Variants in CBL observed in about 807,000 individuals in gnomAD.
CBL encodes the protein E3 ubiquitin-protein ligase CBL.
In CBL, 45 loss-of-function variants were observed where a neutral mutation model predicts 96.9. The observed-to-expected ratio is 0.46, with a 90% CI of 0.37 to 0.60. The LOEUF (loss-of-function observed/expected upper bound fraction) is 0.60, where lower values mean the gene tolerates loss of function less well. Among genes scored for constraint, CBL ranks in the 20% least tolerant of loss-of-function variants. The pLI is 0.00. For synonymous variants in CBL, 420 were observed against 426.8 expected, an observed-to-expected ratio of 0.98 and a Z score of 0.20; for missense variants, 1,024 against 1,143.5, an observed-to-expected ratio of 0.90 and a Z score of 1.51.
At chr11:119,212,126 G>C (rs1366591167) in intron 1 of CBL, among the ~76,000 whole-genome samples, 27 of 146,322 alleles carry the variant, frequency 1.8e-4, no homozygotes, top group Middle Eastern at 4.2e-3. Context: ...TCCATGTTGG[G>C]CAGGCTGGTC....
intron 2 of CBL, among the ~76,000 whole-genome samples, chr11:119,239,837 T>C (rs1469419618): frequency 6.6e-6 from 1 of 152,110 alleles, no homozygotes; most frequent in Non-Finnish European, 1.5e-5. Context: ...ACCTTTTATG[T>C]TTCATTCGTG....
chr11:119,302,441 C>G lies in CBL; in HGVS notation c.*2660C>G. On this transcript the variant is annotated 3_prime_UTR_variant, in exon 16 of 16. Coordinates refer to ENST00000264033, the MANE Select transcript of CBL (RefSeq NM_005188.4). The stretch of plus-strand genomic sequence containing the variant: ...CAATTTAAAAGTCTTTGGCTTTGCT[C>G]TGAATTTAATTAAAACTGCCTTTTA... 4.3e-6 allele frequency: 1 copy of G among 233,052 alleles called. No individual in the cohort carries two copies. The highest frequency in any genetic ancestry group is 8.5e-6 in the Non-Finnish European group (1 of 117,890). 14.4% of individuals were successfully genotyped at this position (233,052 alleles called of 1,614,324 possible).
intron 2 of CBL, among the ~76,000 whole-genome samples, chr11:119,258,876 C>T (rs903090224): frequency 1.3e-5 from 2 of 152,160 alleles, no homozygotes; most frequent in African/African-American, 4.8e-5. Flanking sequence ...GCAGTATGGT[C>T]ATTTTCACGA....
At chr11:119,206,752 C>G (rs1592364842) in intron 1 of CBL, 140 bp downstream of exon 1, 3 of 87,860 alleles carry the variant, frequency 3.4e-5, no homozygotes, top group Non-Finnish European at 1.7e-5. Flanking sequence ...GGTGACCGGC[C>G]GGGGGCGTGG....
rs1265243724 is a variant in CBL at position 119,304,137 on chromosome 11, G to A, written c.*4356G>A. 1 of 233,222 alleles carries A rather than the reference G, an allele frequency of 4.3e-6. No homozygotes were observed. The highest frequency in any genetic ancestry group is 8.5e-6 in the Non-Finnish European group (1 of 118,024). 14.4% of individuals were successfully genotyped at this position (233,222 alleles called of 1,614,324 possible). A position where few individuals can be genotyped will look rare whatever the true frequency, so the allele number is the denominator to read the frequency against. On this transcript the variant is annotated 3_prime_UTR_variant, in exon 16 of 16. Transcript: ENST00000264033. ...CTCCCTCCCAGAGCAAGGAGTTTAGGGATTCTAAAGCTTAGTGTCCACACA... is the reference window on the plus strand; with the variant it reads ...CTCCCTCCCAGAGCAAGGAGTTTAGAGATTCTAAAGCTTAGTGTCCACACA...
rs1411543318 is a variant in CBL at position 119,273,924 on chromosome 11, G to A, written c.647G>A (p.Ser216Asn). 1.2e-6 allele frequency: 2 copies of A among 1,614,032 alleles called. No homozygotes were observed. The highest frequency in any genetic ancestry group is 1.7e-6 in the Non-Finnish European group (2 of 1,179,894). ...GCTCTACATGAAGTGCATCCCATCA[G>A]TTCTGGGCTGGAGGCCATGGCTCTG... ...RQALHEVHPI[S>N]SGLEAMALKS... The change falls in exon 4 of 16, where the codon AGT (serine) becomes AAT (asparagine). Residue 216 changes from serine (S) to asparagine (N), a missense_variant. This residue lies in a region of CBL where 192 missense variants were observed against 321.8 expected (regional missense o/e 0.60). Coordinates refer to ENST00000264033, the MANE Select transcript of CBL (RefSeq NM_005188.4).
At chr11:119,258,008 C>T (rs1949723647) in intron 2 of CBL, among the ~76,000 whole-genome samples, 1 of 152,102 alleles carries the variant, frequency 6.6e-6, no homozygotes, top group Non-Finnish European at 1.5e-5. Flanking sequence ...AGGCGGGTCA[C>T]TTGAGGTCAG....
intron 9 of CBL, among the ~76,000 whole-genome samples, chr11:119,280,650 C>A (rs555865613): frequency 6.6e-6 from 1 of 152,110 alleles, no homozygotes; most frequent in African/African-American, 2.4e-5. Context: ...AACATTGGTT[C>A]CCTGCCTCTG....
At chr11:119,232,741 C>T (rs767957750) in intron 2 of CBL, 46 bp downstream of exon 2, 25 of 1,581,584 alleles carry the variant, frequency 1.6e-5, no homozygotes, top group Non-Finnish European at 2.1e-5. Flanking sequence ...TCTGTGACTG[C>T]CTGAATGGGT....
At chr11:119,207,676 A>G (rs527387865) in intron 1 of CBL, among the ~76,000 whole-genome samples, 14 of 152,312 alleles carry the variant, frequency 9.2e-5, no homozygotes, top group African/African-American at 2.9e-4. Flanking sequence ...TCAGAATTCA[A>G]TACGTTTTCT....
chr11:119,290,382 C>T (rs1237712434), intron 12 of CBL, among the ~76,000 whole-genome samples: 1 of 151,016 alleles, frequency 6.6e-6, no homozygotes, highest in African/African-American at 2.4e-5. Context: ...TGGCTGGGCG[C>T]AGTGGCTCAC....
At chr11:119,223,287 C>T (rs1438468852) in intron 1 of CBL, among the ~76,000 whole-genome samples, 2 of 144,982 alleles carry the variant, frequency 1.4e-5, no homozygotes, top group African/African-American at 5.1e-5. Context: ...CCGTCTCAGC[C>T]TTTCAAAGTG....
intron 9 of CBL, among the ~76,000 whole-genome samples, chr11:119,279,172 CTT>C (rs757371706): frequency 7.6e-5 from 11 of 144,950 alleles, no homozygotes; most frequent in African/African-American, 7.5e-5. Flanking sequence ...GTTCTGTTCC[CTT>C]TTTTTTTTTT....
In CBL at chr11:119,298,381, C is replaced by T; in HGVS notation, c.2275C>T (p.His759Tyr). 4 of 1,614,168 alleles carry T rather than the reference C, an allele frequency of 2.5e-6. No homozygotes were observed. The highest frequency in any genetic ancestry group is 3.4e-6 in the Non-Finnish European group (4 of 1,180,014). Residue 759 changes from histidine to tyrosine, a missense_variant, in exon 15 of 16, where the codon CAT (histidine) becomes TAT (tyrosine). Physicochemically the swap from His to Tyr is moderately conservative, Grantham distance 83. Coordinates refer to ENST00000264033, the MANE Select transcript of CBL (RefSeq NM_005188.4). ...AGGTGAAGGGAATTTGGCCGCAGCC[C>T]ATGCCAACACTGGTCCCGAGGAGTC... ...TFGEGNLAAA[H>Y]ANTGPEESEN...
In CBL at chr11:119,303,732, T is replaced by C. The variant is rs1369023642; in HGVS notation, c.*3951T>C. On this transcript the variant is annotated 3_prime_UTR_variant, in exon 16 of 16. Transcript: ENST00000264033. ...TGTTCCAACATAATTAGAATCTGTT[T>C]GGTGAGTTGAAAGGTAAGTTGGCTC... 4.3e-6 allele frequency: 1 copy of C among 233,602 alleles called. No homozygotes were observed. Among genetic ancestry groups the C allele is most frequent in the Non-Finnish European group, 8.5e-6 (1 of 118,064 alleles). 14.5% of individuals were successfully genotyped at this position (233,602 alleles called of 1,614,324 possible).
chr11:119,220,561 T>G (rs979279577), intron 1 of CBL, among the ~76,000 whole-genome samples: 2 of 152,174 alleles, frequency 1.3e-5, no homozygotes, highest in African/African-American at 4.8e-5. Context: ...ATGACGCCAC[T>G]GCACTCCAAT....
At chr11:119,242,955 C>G (rs1470815646) in intron 2 of CBL, among the ~76,000 whole-genome samples, 3 of 151,632 alleles carry the variant, frequency 2.0e-5, no homozygotes, top group Non-Finnish European at 4.4e-5. Flanking sequence ...TTAGTTTAAC[C>G]TTTCTGGGGT....
chr11:119,295,022 A>T lies in CBL; in HGVS notation c.2037-1896A>T, dbSNP rs539569131. On this transcript the variant is annotated intron_variant, in intron 12 of 15. Transcript: ENST00000264033. ...TTTTCAAATTATTTCACGATTATAC[A>T]TCAGTGTAACTAAAGTGGAATCTCA... Among the ~76,000 whole-genome samples, 5 of 152,348 alleles carry T rather than the reference A, an allele frequency of 3.3e-5. No individual in the cohort carries two copies. In the South Asian group the frequency reaches 1.0e-3, roughly 32 times the overall value.
intron 1 of CBL, among the ~76,000 whole-genome samples, chr11:119,216,245 G>C (rs1592369403): frequency 6.6e-6 from 1 of 152,218 alleles, no homozygotes; most frequent in Non-Finnish European, 1.5e-5. Context: ...GATCTGCCAT[G>C]GAGGAAGGAC....
Sources: gnomAD v4.1 joint callset for allele counts (sites outside exome capture counted in the v4.1 genomes callset) on GRCh38, gnomAD v4.1.1 for gene constraint, gnomAD v4.1.1 regional missense constraint, MANE v1.5 for transcripts, NCBI Gene and HGNC (gene_info 2026-07-23, HGNC 2026-07-21) for gene names.